The following NALCN variants were observed in gnomAD, a reference collection of about 807,000 sequenced individuals.
NALCN encodes the protein sodium leak channel, non-selective, also known as sodium leak channel NALCN.
A neutral mutation model predicts 225.3 loss-of-function variants in NALCN; 111 were observed. That is an observed-to-expected ratio of 0.49 (90% CI 0.42 to 0.58). The LOEUF is 0.58. NALCN is among the 20% of genes least tolerant of loss of function. NALCN has a pLI of 0.00. For missense variants in NALCN, 1,378 were observed against 2,202.4 expected, an observed-to-expected ratio of 0.63 and a Z score of 7.49; for synonymous variants, 764 against 769.0, an observed-to-expected ratio of 0.99 and a Z score of 0.11.
rs374846722 is a variant in NALCN, at chr13:101,148,744, T to G, written c.1840-3848A>C. Among the ~76,000 whole-genome samples the G allele has an allele frequency of 3.9e-5, 6 of 152,242 alleles. No homozygotes were observed. The South Asian group carries it at 1.2e-3, about 32-fold the overall frequency. On this transcript the variant is annotated intron_variant, in intron 15 of 43. Transcript: ENST00000251127. ...TTCAGTGAAGGAATAATGGTATTGATCAGGTGGCGGAACTCAACTCTAAGC... is the reference window on the plus strand; with the variant it reads ...TTCAGTGAAGGAATAATGGTATTGAGCAGGTGGCGGAACTCAACTCTAAGC...
At chr13:101,219,817 G>C (rs1338901762) in intron 13 of NALCN, among the ~76,000 whole-genome samples, 1 of 152,196 alleles carries the variant, frequency 6.6e-6, no homozygotes, top group Non-Finnish European at 1.5e-5. Context: ...GGTAGGAGCA[G>C]TAGACAACTT....
intron 10 of NALCN, among the ~76,000 whole-genome samples, chr13:101,278,713 G>A (rs1274411202): frequency 2.0e-5 from 3 of 152,098 alleles, no homozygotes; most frequent in East Asian, 3.9e-4. Flanking sequence ...CATATTAGAG[G>A]AGACATCCTG....
intron 39 of NALCN, among the ~76,000 whole-genome samples, chr13:101,065,904 C>A (rs2032344763): frequency 6.6e-6 from 1 of 152,182 alleles, no homozygotes; most frequent in South Asian, 2.1e-4. Flanking sequence ...ACAGACGCCA[C>A]CTCCAACACA....
chr13:101,089,906 T>G lies in NALCN; in HGVS notation c.3330A>C (p.Glu1110Asp), dbSNP rs1316687205. 1 of 1,613,980 alleles carries G rather than the reference T, an allele frequency of 6.2e-7. No homozygotes were observed. The highest frequency in any genetic ancestry group is 8.5e-7 in the Non-Finnish European group (1 of 1,179,948). Reference sequence around the variant, plus strand: ...CCACCCAGCCTTTCAAGGAGAGAACTTCAAACAACGCCAGCATAGCGTTTC... The same window carrying G: ...CCACCCAGCCTTTCAAGGAGAGAACGTCAAACAACGCCAGCATAGCGTTTC... The part of the protein sequence containing the change: ...NVGNAMLALF[E>D]VLSLKGWVEV... The change falls in exon 29 of 44, where the codon GAA becomes GAC. Residue 1110 changes from glutamate (E) to aspartate (D), a missense_variant. By Grantham distance (45) the Glu-to-Asp change is conservative. Coordinates refer to ENST00000251127, the MANE Select transcript of NALCN (RefSeq NM_052867.4). The surrounding 1 kb of genome is among the most constrained non-coding windows in gnomAD (Gnocchi z 4.7).
intron 7 of NALCN, among the ~76,000 whole-genome samples, chr13:101,335,308 T>A (rs2045341937): frequency 6.6e-6 from 1 of 152,136 alleles, no homozygotes; most frequent in African/African-American, 2.4e-5. Context: ...GACACCTAAT[T>A]TCAGTTTAAG....
Position 101,144,903 on chromosome 13 carries a change from A to G in NALCN, c.1840-7T>C. 6.3e-7 allele frequency: 1 copy of G among 1,596,956 alleles called. No homozygotes were observed. Among genetic ancestry groups the G allele is most frequent in the African/African-American group, 1.4e-5 (1 of 73,702 alleles). On this transcript the variant is annotated splice_region_variant and splice_polypyrimidine_tract_variant and intron_variant, in intron 15 of 43. Transcript: ENST00000251127. The stretch of plus-strand genomic sequence containing the variant: ...TTGCTTCACTTTGCTTTAACTAAAG[A>G]AAAATTGGAAAGAAGAAAAAAAGGG...
chr13:101,182,993 T>G (rs1179057555), intron 14 of NALCN, among the ~76,000 whole-genome samples: 1 of 152,188 alleles, frequency 6.6e-6, no homozygotes, highest in East Asian at 1.9e-4. Context: ...GGATTTGGAC[T>G]GAAAGAGCAG....
At chr13:101,319,913 T>G (rs1386800947) in intron 7 of NALCN, among the ~76,000 whole-genome samples, 1 of 152,230 alleles carries the variant, frequency 6.6e-6, no homozygotes, top group Non-Finnish European at 1.5e-5. Flanking sequence ...CCTAAGCATC[T>G]GTGGATTTTT....
chr13:101,188,199 C>T (rs987805404), intron 14 of NALCN, among the ~76,000 whole-genome samples: 7 of 152,058 alleles, frequency 4.6e-5, no homozygotes, highest in Admixed American at 2.6e-4. Context: ...GAGTACCATA[C>T]GGCTCTCTAT....
intron 1 of NALCN, among the ~76,000 whole-genome samples, chr13:101,408,682 C>G (rs1011761874): frequency 2.4e-4 from 36 of 152,182 alleles, no homozygotes; most frequent in African/African-American, 8.4e-4. Context: ...CTTTCTGCCT[C>G]TCTCCTTCTC....
intron 17 of NALCN, among the ~76,000 whole-genome samples, chr13:101,132,686 A>C (rs570522011): frequency 1.3e-5 from 2 of 152,262 alleles, no homozygotes; most frequent in South Asian, 4.1e-4. Flanking sequence ...GTTCACTCAG[A>C]TAATAAATTG....
chr13:101,416,002 G>A (rs2047933864), intron 1 of NALCN, among the ~76,000 whole-genome samples: 1 of 152,114 alleles, frequency 6.6e-6, no homozygotes, highest in African/African-American at 2.4e-5. Context: ...CAGCCCAGGG[G>A]CATCCCGCGG....
At chr13:101,251,065 G>A (rs2042048657) in intron 11 of NALCN, among the ~76,000 whole-genome samples, 2 of 152,022 alleles carry the variant, frequency 1.3e-5, no homozygotes, top group Non-Finnish European at 2.9e-5. Context: ...CAAGCACTTT[G>A]AAGTTCAATT....
intron 18 of NALCN, chr13:101,116,690 C>G (rs1398388851): frequency 1.1e-5 from 4 of 379,502 alleles, no homozygotes; most frequent in Non-Finnish European, 2.1e-5. Context: ...AACGTAATTA[C>G]CATCTAAAGG....
At chr13:101,327,446 G>C (rs1193569829) in intron 7 of NALCN, among the ~76,000 whole-genome samples, 1 of 151,848 alleles carries the variant, frequency 6.6e-6, no homozygotes, top group Non-Finnish European at 1.5e-5. Flanking sequence ...AATCATTCAG[G>C]CTCATGCTTC....
chr13:101,319,192 G>T (rs2044659449), intron 7 of NALCN, among the ~76,000 whole-genome samples: 1 of 152,170 alleles, frequency 6.6e-6, no homozygotes, highest in African/African-American at 2.4e-5. Flanking sequence ...GATATAGAAA[G>T]TGCTCAGAAA....
At chr13:101,389,259 T>C (rs1453025154) in intron 3 of NALCN, among the ~76,000 whole-genome samples, 3 of 152,128 alleles carry the variant, frequency 2.0e-5, no homozygotes, top group Non-Finnish European at 2.9e-5. Flanking sequence ...TAAATACGTG[T>C]GGAATGCTGA....
intron 27 of NALCN, among the ~76,000 whole-genome samples, 175 bp downstream of exon 27, chr13:101,100,608 TC>T (rs1360079967): frequency 6.6e-6 from 1 of 152,164 alleles, no homozygotes; most frequent in East Asian, 1.9e-4. Context: ...GGGACAGGGC[TC>T]TCGCTCTGTT....
At chr13:101,165,278 T>C (rs372131087) in intron 15 of NALCN, among the ~76,000 whole-genome samples, 10 of 152,310 alleles carry the variant, frequency 6.6e-5, no homozygotes, top group South Asian at 2.1e-4. Context: ...AGGTTGGTGA[T>C]CCACCTTCAC....
Sources: allele counts gnomAD v4.1 joint callset (sites outside exome capture counted in the v4.1 genomes callset), GRCh38; gene constraint gnomAD v4.1.1; non-coding constraint Gnocchi (gnomAD v3.1); transcripts MANE v1.5; gene names NCBI Gene and HGNC (gene_info 2026-07-23, HGNC 2026-07-21).